IQCM: variants seen among roughly 807,000 people sequenced by gnomAD.
The protein encoded by IQCM is IQ motif containing M, also known as IQ domain-containing protein M.
IQCM carries 45 observed loss-of-function variants against 57.6 expected under a neutral mutation model. That is an observed-to-expected ratio of 0.78 (90% CI 0.62 to 1.00). IQCM has a LOEUF of 1.00. Ranked by LOEUF, IQCM falls within the 50% of genes least tolerant of loss-of-function variation. IQCM has a pLI of 0.00. For missense variants in IQCM, 468 were observed against 511.6 expected, an observed-to-expected ratio of 0.91 and a Z score of 0.82; for synonymous variants, 148 against 158.9, an observed-to-expected ratio of 0.93 and a Z score of 0.51.
At chr4:149,381,904 A>G (rs1322230036) in intron 13 of IQCM, among the ~76,000 whole-genome samples, 1 of 152,060 alleles carries the variant, frequency 6.6e-6, no homozygotes, top group Non-Finnish European at 1.5e-5. Context: ...CTTCCCGAGT[A>G]GCTGGGATTA....
chr4:149,664,010 T>C (rs535314526), intron 7 of IQCM, among the ~76,000 whole-genome samples: 3 of 152,216 alleles, frequency 2.0e-5, no homozygotes, highest in Admixed American at 1.3e-4. Flanking sequence ...TTCTTCATTG[T>C]TTGATTCTTT....
chr4:149,752,108 A>C (rs1199571224), intron 2 of IQCM, among the ~76,000 whole-genome samples: 1 of 152,204 alleles, frequency 6.6e-6, no homozygotes, highest in Non-Finnish European at 1.5e-5. Context: ...AAGAGTCCCC[A>C]AGAAAGCAAA....
intron 12 of IQCM, among the ~76,000 whole-genome samples, chr4:149,439,863 A>G (rs1189332116): frequency 3.9e-5 from 6 of 152,024 alleles, no homozygotes; most frequent in Non-Finnish European, 7.4e-5. Flanking sequence ...TACATAATCC[A>G]TAAGATATTT....
chr4:149,681,408 T>C (rs1475522439), intron 7 of IQCM, among the ~76,000 whole-genome samples: 2 of 151,216 alleles, frequency 1.3e-5, no homozygotes, highest in Non-Finnish European at 3.0e-5. Context: ...TTAGTTTTGG[T>C]GAATATTGAT....
chr4:149,712,656 T>C (rs1156874418), intron 5 of IQCM, among the ~76,000 whole-genome samples: 1 of 152,150 alleles, frequency 6.6e-6, no homozygotes, highest in Non-Finnish European at 1.5e-5. Flanking sequence ...CTTTCTAGCA[T>C]AGAGTACAGA....
intron 11 of IQCM, among the ~76,000 whole-genome samples, chr4:149,551,664 A>T (rs1252886537): frequency 6.6e-6 from 1 of 152,182 alleles, no homozygotes; most frequent in Non-Finnish European, 1.5e-5. Context: ...TATTTTGATA[A>T]GTATTATGAA....
chr4:149,675,811 T>C (rs906316085), intron 7 of IQCM, among the ~76,000 whole-genome samples: 1 of 151,958 alleles, frequency 6.6e-6, no homozygotes, highest in Non-Finnish European at 1.5e-5. Flanking sequence ...TGCCAATGAC[T>C]ATGTAGAGAT....
At chr4:149,416,117 A>G (rs769801158) in intron 13 of IQCM, among the ~76,000 whole-genome samples, 4 of 151,514 alleles carry the variant, frequency 2.6e-5, no homozygotes, top group Admixed American at 1.3e-4. Flanking sequence ...CTTATGACCC[A>G]TAAAAAAACC....
At chr4:149,583,838 T>C (rs2149991811) in intron 9 of IQCM, among the ~76,000 whole-genome samples, 1 of 151,638 alleles carries the variant, frequency 6.6e-6, no homozygotes. Context: ...TTACTTCCCT[T>C]TAGCTAATAA....
chr4:149,466,619 A>T (rs1314240137), intron 12 of IQCM, among the ~76,000 whole-genome samples: 2 of 152,246 alleles, frequency 1.3e-5, no homozygotes, highest in East Asian at 3.9e-4. Context: ...CAGTGGGAAG[A>T]CAGATGAGAT....
chr4:149,802,867 A>T (rs1773727766), intron 2 of IQCM, among the ~76,000 whole-genome samples: 1 of 152,026 alleles, frequency 6.6e-6, no homozygotes, highest in African/African-American at 2.4e-5. Context: ...TGTTCTACAG[A>T]AGACACTCGG....
At chr4:149,793,881 G>C (rs1402719221) in intron 2 of IQCM, among the ~76,000 whole-genome samples, 1 of 152,216 alleles carries the variant, frequency 6.6e-6, no homozygotes, top group Non-Finnish European at 1.5e-5. Context: ...GGCAGACTGA[G>C]CATGAATATT....
chr4:149,465,906 A>G (rs971641904), intron 12 of IQCM, among the ~76,000 whole-genome samples: 2 of 152,098 alleles, frequency 1.3e-5, no homozygotes, highest in African/African-American at 2.4e-5. Context: ...ACCAGTTTCC[A>G]TGAAATCAAG....
intron 12 of IQCM, among the ~76,000 whole-genome samples, chr4:149,512,064 A>C (rs187287425): frequency 1.7e-3 from 261 of 152,318 alleles, no homozygotes; most frequent in Admixed American, 2.9e-3. Flanking sequence ...ACTGCAAAAA[A>C]TCATGAAACT....
rs189649715 is a variant in IQCM, at chr4:149,715,851, G to A, written c.385+17393C>T. The stretch of plus-strand genomic sequence containing the variant: ...AGGTCATCCCAACATCAATGTCTCT[G>A]CAGCCCTCAGGGGAGATGAGACCAG... On this transcript the variant is annotated intron_variant, in intron 5 of 13. Transcript: ENST00000636793. 4.5e-3 allele frequency among the ~76,000 whole-genome samples: 681 copies of A among 152,316 alleles called. 1 individual carries two copies. The highest frequency in any genetic ancestry group is 7.9e-3 in the Non-Finnish European group (539 of 68,026).
chr4:149,613,611 C>T (rs569355267), intron 8 of IQCM, among the ~76,000 whole-genome samples: 10 of 151,880 alleles, frequency 6.6e-5, no homozygotes, highest in Middle Eastern at 6.8e-3. Flanking sequence ...GGTACATGTG[C>T]ACAATGTGCA....
Position 149,553,237 on chromosome 4 carries a change from T to C in IQCM, c.999A>G (p.Arg333=). 1.6e-6 allele frequency: 2 copies of C among 1,231,926 alleles called. No homozygotes were observed. The highest frequency in any genetic ancestry group is 2.0e-6 in the Non-Finnish European group (2 of 987,764). 76.3% of individuals were successfully genotyped at this position (1,231,926 alleles called of 1,614,324 possible). The part of the protein sequence containing the change: ...DMKAVINMYG[R]LIHRVRYRRG... Reference sequence around the variant, plus strand: ...GTCGATATCTAACACGGTGGATTAGTCTGCCATACATGTTAATAACTGCTT... The same window carrying C: ...GTCGATATCTAACACGGTGGATTAGCCTGCCATACATGTTAATAACTGCTT... The change falls in exon 11 of 14, where the codon AGA becomes AGG. Residue 333 remains arginine (R), a synonymous_variant. Transcript: ENST00000636793.
At chr4:149,661,896 T>C (rs764855784) in intron 7 of IQCM, among the ~76,000 whole-genome samples, 14 of 152,062 alleles carry the variant, frequency 9.2e-5, no homozygotes, top group Non-Finnish European at 8.8e-5. Context: ...AAAAAGTTCT[T>C]TGTTTCATTG....
At chr4:149,753,455 A>G (rs1249552498) in intron 2 of IQCM, among the ~76,000 whole-genome samples, 1 of 152,164 alleles carries the variant, frequency 6.6e-6, no homozygotes, top group Non-Finnish European at 1.5e-5. Context: ...GATATACAGA[A>G]TAAAATGTGG....
Sources: allele counts gnomAD v4.1 joint callset (sites outside exome capture counted in the v4.1 genomes callset), GRCh38; gene constraint gnomAD v4.1.1; transcripts MANE v1.5; gene names NCBI Gene and HGNC (gene_info 2026-07-23, HGNC 2026-07-21).